AFG3L2: variants seen among roughly 807,000 people sequenced by gnomAD.
AFG3L2 encodes the protein mitochondrial inner membrane m-AAA protease component AFG3L2.
AFG3L2 carries 54 observed loss-of-function variants against 94.5 expected under a neutral mutation model. The ratio of observed to expected loss-of-function variants is 0.57; its 90% confidence interval spans 0.46 to 0.72. The LOEUF (loss-of-function observed/expected upper bound fraction) is 0.72. Among genes scored for constraint, AFG3L2 ranks in the 30% least tolerant of loss-of-function variants. The probability of loss-of-function intolerance (pLI) is 0.00; values close to 1 mark genes in which losing one functional copy is unlikely to be tolerated. For missense variants in AFG3L2, 754 were observed against 994.9 expected (o/e 0.76, Z 3.26); for synonymous variants, 377 against 365.5 (o/e 1.03, Z -0.36).
chr18:12,333,768 A>G (rs1222077186), intron 16 of AFG3L2, among the ~76,000 whole-genome samples: 1 of 152,108 alleles, frequency 6.6e-6, no homozygotes, highest in Non-Finnish European at 1.5e-5. Context: ...TTGACATTTA[A>G]CAGTTCTCGA....
At chr18:12,368,177 T>A (rs1241782063) in intron 3 of AFG3L2, among the ~76,000 whole-genome samples, 6 of 146,148 alleles carry the variant, frequency 4.1e-5, no homozygotes, top group African/African-American at 1.5e-4. Context: ...CAAAAAAAAA[T>A]AAAAAATAAA....
chr18:12,347,526 C>A (rs1198929053), intron 13 of AFG3L2, among the ~76,000 whole-genome samples: 1 of 150,552 alleles, frequency 6.6e-6, no homozygotes, highest in Non-Finnish European at 1.5e-5. Context: ...ACGCCTGTTA[C>A]AGTTATTTTA....
chr18:12,345,695 C>T (rs1276657041), intron 13 of AFG3L2, among the ~76,000 whole-genome samples: 4 of 152,296 alleles, frequency 2.6e-5, no homozygotes, highest in East Asian at 3.9e-4. Context: ...GCAAAACCTG[C>T]GGCTGCGTGG....
chr18:12,360,222 C>T, intron 6 of AFG3L2, 171 bp from the exon 7 acceptor site: 2 of 648,680 alleles, frequency 3.1e-6, no homozygotes, highest in East Asian at 2.8e-5. Flanking sequence ...AAATGTCACT[C>T]ATTGAGAACA....
At chr18:12,368,533 G>A (rs1423494580) in intron 3 of AFG3L2, among the ~76,000 whole-genome samples, 4 of 152,212 alleles carry the variant, frequency 2.6e-5, no homozygotes, top group African/African-American at 9.7e-5. Context: ...GGAAATGTAT[G>A]TAAGGAAAAC....
rs1909183111 is a variant in AFG3L2 at position 12,377,021 on chromosome 18, T to G, written c.62A>C (p.Gln21Pro). ...GCCCACGCCGCCAGGCACGAGGAGC[T>G]GCTGTAGGCCGCGGGGCCAGCAGCC... ...RGGCWPRGLQ[Q>P]LLVPGGVGPG... The change falls in exon 1 of 17, where the codon CAG becomes CCG. Residue 21 changes from glutamine (Q) to proline (P), a missense_variant. Transcript: ENST00000269143. 2 of 1,449,266 alleles carry G rather than the reference T, an allele frequency of 1.4e-6. No homozygotes were observed. The highest frequency in any genetic ancestry group is 1.8e-6 in the Non-Finnish European group (2 of 1,103,948). 89.8% of individuals were successfully genotyped at this position (1,449,266 alleles called of 1,614,324 possible). A position where few individuals can be genotyped will look rare whatever the true frequency, so the allele number is the denominator to read the frequency against.
At chr18:12,362,419 GAC>G (rs1407257659) in intron 6 of AFG3L2, among the ~76,000 whole-genome samples, 8 of 152,302 alleles carry the variant, frequency 5.3e-5, no homozygotes, top group East Asian at 1.9e-4. Flanking sequence ...CCAACATTCA[GAC>G]ACAAACAACA....
chr18:12,351,347 G>A lies in AFG3L2; in HGVS notation c.1385C>T (p.Ala462Val), dbSNP rs912546325. 2 of 1,614,012 alleles carry A rather than the reference G, an allele frequency of 1.2e-6. No homozygotes were observed. The highest frequency in any genetic ancestry group is 1.3e-5 in the African/African-American group (1 of 74,902). The change falls in exon 11 of 17, where the codon GCG becomes GTG. Residue 462 changes from alanine (A) to valine (V), a missense_variant. This residue lies in a region of AFG3L2 where 109 missense variants were observed against 227.1 expected (regional missense o/e 0.48). Coordinates refer to ENST00000269143, the MANE Select transcript of AFG3L2 (RefSeq NM_006796.3). ...GTNRPDILDP[A>V]LLRPGRFDRQ... ...GTCGAAACGCCCCGGCCTAAGCAGC[G>A]CGGGGTCCAGGATATCTGGTCGATT...
intron 3 of AFG3L2, among the ~76,000 whole-genome samples, chr18:12,367,973 G>A (rs1329258694): frequency 6.6e-6 from 1 of 152,098 alleles, no homozygotes; most frequent in Non-Finnish European, 1.5e-5. Flanking sequence ...TTTGAGACCA[G>A]CCTGTTCAAC....
chr18:12,348,192 G>T, intron 13 of AFG3L2, 81 bp downstream of exon 13: 1 of 1,239,384 alleles, frequency 8.1e-7, no homozygotes, highest in Non-Finnish European at 1.2e-6. Flanking sequence ...TTTGCTTCTA[G>T]TTCTTGCCCA....
intron 5 of AFG3L2, among the ~76,000 whole-genome samples, chr18:12,366,003 T>C (rs187995366): frequency 1.8e-3 from 276 of 149,248 alleles, no homozygotes; most frequent in Non-Finnish European, 3.2e-3. Context: ...GACTCCCAAA[T>C]AGCTGGGACT....
Position 12,351,399 on chromosome 18 carries a change from T to C in AFG3L2, c.1333A>G (p.Thr445Ala), listed in dbSNP as rs754423066. Reference sequence around the variant, plus strand: ...GTGCCGGCCAAAATGACGACATTTGTTGTTGTATTAAAACCTGAAAGATAA... The same window carrying C: ...GTGCCGGCCAAAATGACGACATTTGCTGTTGTATTAAAACCTGAAAGATAA... Reference protein sequence around the residue: ...LVEMDGFNTTTNVVILAGTNR... With the variant: ...LVEMDGFNTTANVVILAGTNR... Residue 445 changes from threonine (T) to alanine (A), a missense_variant, in exon 11 of 17, where the codon ACA becomes GCA. Thr to Ala is a moderately conservative substitution (Grantham distance 58). This residue lies in a region of AFG3L2 where 109 missense variants were observed against 227.1 expected (regional missense o/e 0.48). Transcript: ENST00000269143. The C allele has an allele frequency of 1.9e-6, 3 of 1,614,152 alleles. No homozygotes were observed. In the South Asian group the frequency reaches 3.3e-5, roughly 18 times the overall value.
intron 15 of AFG3L2, among the ~76,000 whole-genome samples, chr18:12,338,889 G>A (rs1021407886): frequency 6.6e-6 from 1 of 151,964 alleles, no homozygotes; most frequent in Non-Finnish European, 1.5e-5. Flanking sequence ...CTTCAATGAG[G>A]TGCTAGAGAA....
chr18:12,361,658 A>G (rs956461260), intron 6 of AFG3L2, among the ~76,000 whole-genome samples: 1 of 152,180 alleles, frequency 6.6e-6, no homozygotes, highest in African/African-American at 2.4e-5. Context: ...AAAAACAAAC[A>G]AAAAAACAAA....
intron 9 of AFG3L2, among the ~76,000 whole-genome samples, chr18:12,355,826 G>A (rs1389927626): frequency 2.0e-5 from 3 of 151,944 alleles, no homozygotes; most frequent in Non-Finnish European, 2.9e-5. Context: ...CCGCCACCAC[G>A]CATGGCTAAT....
At chr18:12,345,393 T>G (rs1485979803) in intron 13 of AFG3L2, among the ~76,000 whole-genome samples, 1 of 152,246 alleles carries the variant, frequency 6.6e-6, no homozygotes. Context: ...GTGGCAAAAG[T>G]AGTTTTGCCA....
chr18:12,349,053 C>T (rs1318794566), intron 12 of AFG3L2, among the ~76,000 whole-genome samples: 1 of 152,168 alleles, frequency 6.6e-6, no homozygotes, highest in Admixed American at 6.5e-5. Flanking sequence ...TCTTTTCATA[C>T]TTCTCAAACT....
In AFG3L2 at chr18:12,348,290, A is replaced by G. The variant is rs757821473; in HGVS notation, c.1646T>C (p.Ile549Thr). 2.5e-6 allele frequency: 4 copies of G among 1,614,018 alleles called. No individual in the cohort carries two copies. Among genetic ancestry groups the G allele is most frequent in the Non-Finnish European group, 3.4e-6 (4 of 1,179,880 alleles). ...SINQKHFEQA[I>T]ERVIGGLEKK... ...TTCCTTACCACCAATCACTCGTTCA[A>G]TTGCCTGTTCAAAGTGTTTCTGATT... The change falls in exon 13 of 17, where the codon ATT (isoleucine) becomes ACT (threonine). Residue 549 changes from isoleucine (I) to threonine (T), a missense_variant. Physicochemically the swap from Ile to Thr is moderately conservative, Grantham distance 89 (BLOSUM62 -1). Coordinates refer to ENST00000269143, the MANE Select transcript of AFG3L2 (RefSeq NM_006796.3).
intron 16 of AFG3L2, among the ~76,000 whole-genome samples, chr18:12,332,123 A>ATTTT (rs10689491): frequency 4.6e-5 from 6 of 131,698 alleles, no homozygotes; most frequent in Non-Finnish European, 4.7e-5. Flanking sequence ...TCATAAAATG[A>ATTTT]TTTTTTTTTT....
Sources: gnomAD v4.1 joint callset for allele counts (sites outside exome capture counted in the v4.1 genomes callset) on GRCh38, gnomAD v4.1.1 for gene constraint, gnomAD v4.1.1 regional missense constraint, MANE v1.5 for transcripts, NCBI Gene and HGNC (gene_info 2026-07-23, HGNC 2026-07-21) for gene names.